ABCA10: variants seen among roughly 807,000 people sequenced by gnomAD.
ABCA10 encodes the protein ATP binding cassette subfamily A member 10.
ABCA10 carries 169 observed loss-of-function variants against 187.5 expected under a neutral mutation model. The observed-to-expected ratio is 0.90, with a 90% CI of 0.80 to 1.02. The LOEUF is 1.02. Among genes scored for constraint, ABCA10 ranks in the 50% least tolerant of loss-of-function variants. The pLI, the probability that ABCA10 is intolerant of heterozygous loss-of-function variation, is 0.00. For synonymous variants in ABCA10, 574 were observed against 601.8 expected (o/e 0.95, Z 0.68); for missense variants, 1,727 against 1,812.4 (o/e 0.95, Z 0.86).
intron 28 of ABCA10, among the ~76,000 whole-genome samples, chr17:69,156,456 C>G (rs1445304948): frequency 2.0e-5 from 3 of 152,038 alleles, no homozygotes; most frequent in Non-Finnish European, 4.4e-5. Context: ...TTTTCTTTTT[C>G]TGAAAATAGC....
intron 34 of ABCA10, 127 bp downstream of exon 34, chr17:69,153,178 C>T (rs2074143358): frequency 8.6e-7 from 1 of 1,157,234 alleles, no homozygotes; most frequent in Non-Finnish European, 1.2e-6. Context: ...CACTGAATTA[C>T]ATAATAGAAG....
At chr17:69,191,025 G>A (rs16973722) in intron 17 of ABCA10, 151 bp downstream of exon 17, 48,480 of 812,616 alleles carry the variant, frequency 0.06, 1,763 homozygotes, top group Admixed American at 0.16. Context: ...TGGTAACATA[G>A]ATCATCATAT....
rs150382291 is a variant in ABCA10 at position 69,244,711 on chromosome 17, T to C, written c.-775A>G. ...TTACATGTTACACAAAAATACAGTA[T>C]GGTATTTTAACAAACTCAGGGCACA... On this transcript the variant is annotated 5_prime_UTR_variant, in exon 1 of 40. Coordinates refer to the ABCA10 transcript ENST00000269081. The C allele has an allele frequency of 2.5e-3, 385 of 151,588 alleles. 6 individuals are homozygous for C. The highest frequency in any genetic ancestry group is 8.6e-3 in the African/African-American group (358 of 41,480). The allele number at this position is 151,588 out of a possible 1,614,324, so 9.4% of individuals were successfully genotyped here.
chr17:69,229,426 C>A (rs531617605), upstream of ABCA10, among the ~76,000 whole-genome samples: 1 of 151,962 alleles, frequency 6.6e-6, no homozygotes, highest in Non-Finnish European at 1.5e-5. Context: ...GACTAGATGG[C>A]ATAACTTTAA....
At chr17:69,152,562 A>G in intron 34 of ABCA10, 81 bp from the exon 35 acceptor site, 1 of 1,523,690 alleles carries the variant, frequency 6.6e-7, no homozygotes, top group East Asian at 2.3e-5. Flanking sequence ...GGAAATCTAA[A>G]GAGAAAATGT....
chr17:69,221,111 G>T (rs764030609), intron 5 of ABCA10, among the ~76,000 whole-genome samples: 1 of 152,204 alleles, frequency 6.6e-6, no homozygotes, highest in Non-Finnish European at 1.5e-5. Flanking sequence ...ATGTAGGAGT[G>T]TAAGGGGAGA....
At chr17:69,204,028 A>G (rs2074570120) in intron 9 of ABCA10, among the ~76,000 whole-genome samples, 1 of 152,192 alleles carries the variant, frequency 6.6e-6, no homozygotes, top group African/African-American at 2.4e-5. Context: ...AGAGGACACA[A>G]TCCAAAATTC....
At chr17:69,164,646 T>A (rs2074242246) in intron 26 of ABCA10, among the ~76,000 whole-genome samples, 1 of 152,130 alleles carries the variant, frequency 6.6e-6, no homozygotes, top group Admixed American at 6.5e-5. Context: ...GCAAGATGGA[T>A]TCACCACAAG....
chr17:69,172,515 T>G lies in ABCA10; in HGVS notation c.3162+1766A>C, dbSNP rs546900087. Among the ~76,000 whole-genome samples, 3 of 152,236 alleles carry G rather than the reference T, an allele frequency of 2.0e-5. No individual in the cohort carries two copies. The East Asian group carries it at 5.8e-4, about 29-fold the overall frequency. Reference sequence around the variant, plus strand: ...CCTCAGAAGAAATCAACCTTGCCAATAGCTTGACCGTGGACTTCTGACCTC... The same window carrying G: ...CCTCAGAAGAAATCAACCTTGCCAAGAGCTTGACCGTGGACTTCTGACCTC... On this transcript the variant is annotated intron_variant, in intron 25 of 38. Coordinates refer to ENST00000690296, the MANE Select transcript of ABCA10 (RefSeq NM_001377321.1).
intron 27 of ABCA10, among the ~76,000 whole-genome samples, chr17:69,158,423 T>G (rs905445491): frequency 6.6e-6 from 1 of 152,126 alleles, no homozygotes; most frequent in East Asian, 1.9e-4. Context: ...GAATTTTATA[T>G]TTTTGTATAG....
chr17:69,161,641 C>A (rs1033079342), intron 27 of ABCA10, among the ~76,000 whole-genome samples: 3 of 152,154 alleles, frequency 2.0e-5, no homozygotes, highest in South Asian at 4.1e-4. Context: ...TGGGGGGCAA[C>A]AAAATAAACT....
upstream of ABCA10, among the ~76,000 whole-genome samples, chr17:69,229,329 A>G (rs139154733): frequency 5.7e-3 from 873 of 152,152 alleles, 14 homozygotes; most frequent in African/African-American, 0.02. Flanking sequence ...CTGGACTCCA[A>G]GATCCCTCAC....
rs185947290 is a variant in ABCA10 at position 69,164,127 on chromosome 17, G to A, written c.3310C>T (p.Leu1104=). The change falls in exon 27 of 39, where the codon CTG becomes TTG. Residue 1104 remains leucine, a synonymous_variant. Coordinates refer to ENST00000690296, the MANE Select transcript of ABCA10 (RefSeq NM_001377321.1). ...QLDFMRNLDS[L]DNRINEVNKT... is the part of the protein sequence containing the mutation. ...TTGACTTCATTTATTCTATTGTCCA[G>A]ACTGTCCAAGTTTCTCATAAAGTCG... 1.4e-5 allele frequency: 22 copies of A among 1,586,202 alleles called. No individual in the cohort carries two copies. The highest frequency in any genetic ancestry group is 1.6e-5 in the Non-Finnish European group (19 of 1,170,550).
chr17:69,193,322 G>C (rs936600183), intron 14 of ABCA10, 74 bp from the exon 15 acceptor site: 4 of 1,565,994 alleles, frequency 2.6e-6, no homozygotes, highest in Non-Finnish European at 3.5e-6. Context: ...ATGAAAACAA[G>C]TATGATTTCT....
chr17:69,235,921 T>C (rs2074866993), intron 1 of ABCA10, among the ~76,000 whole-genome samples: 1 of 152,230 alleles, frequency 6.6e-6, no homozygotes, highest in Admixed American at 6.5e-5. Flanking sequence ...AAATTGTACA[T>C]TGTAAATTCT....
chr17:69,184,379 G>T (rs751804794), intron 20 of ABCA10, among the ~76,000 whole-genome samples: 12 of 152,124 alleles, frequency 7.9e-5, no homozygotes, highest in Middle Eastern at 6.8e-3. Context: ...TACCATAGCT[G>T]ATGCTCTCTT....
chr17:69,208,395 G>A (rs967257373), intron 9 of ABCA10, among the ~76,000 whole-genome samples: 2 of 136,108 alleles, frequency 1.5e-5, no homozygotes, highest in African/African-American at 5.7e-5. Context: ...CCAGTCTGAG[G>A]GGACAGGGCG....
intron 25 of ABCA10, among the ~76,000 whole-genome samples, chr17:69,165,985 T>C (rs962467413): frequency 1.3e-5 from 2 of 152,172 alleles, no homozygotes; most frequent in Non-Finnish European, 1.5e-5. Flanking sequence ...ACCATACATG[T>C]TGCCATTAGC....
chr17:69,195,548 G>GTTTTTC (rs2074492066), intron 11 of ABCA10, among the ~76,000 whole-genome samples: 2 of 35,084 alleles, frequency 5.7e-5, no homozygotes, highest in African/African-American at 2.7e-4. Flanking sequence ...AAACAATGAA[G>GTTTTTC]TTTTTCTTTT....
Sources: gnomAD v4.1 joint callset for allele counts (sites outside exome capture counted in the v4.1 genomes callset) on GRCh38, gnomAD v4.1.1 for gene constraint, MANE v1.5 for transcripts, NCBI Gene and HGNC (gene_info 2026-07-23, HGNC 2026-07-21) for gene names.